AEBP2: variants seen among roughly 807,000 people sequenced by gnomAD.
AEBP2 encodes the protein zinc finger protein AEBP2.
In AEBP2, 10 loss-of-function variants were observed where a neutral mutation model predicts 50.8. That is an observed-to-expected ratio of 0.20 (90% CI 0.12 to 0.33). The LOEUF is 0.33. AEBP2 is among the 10% of genes least tolerant of loss of function. The pLI is 1.00. For synonymous variants in AEBP2, 296 were observed against 261.3 expected, an observed-to-expected ratio of 1.13 and a Z score of -1.28; for missense variants, 570 against 688.0, an observed-to-expected ratio of 0.83 and a Z score of 1.92.
At position 19,497,958 on chromosome 12, in the gene AEBP2, C is replaced by T. The variant is rs147472895; in HGVS notation, c.1175-2139C>T. ...ACAAGGGTATTCTATTCTTTACGTACTCTAATGGATCATGACACACACCTA... is the reference window on the plus strand; with the variant it reads ...ACAAGGGTATTCTATTCTTTACGTATTCTAATGGATCATGACACACACCTA... On this transcript the variant is annotated intron_variant, in intron 4 of 7. Transcript: ENST00000266508. Among the ~76,000 whole-genome samples the T allele has an allele frequency of 3.3e-5, 5 of 152,300 alleles. No homozygotes were observed. In the East Asian group the frequency reaches 9.7e-4, roughly 29 times the overall value.
At chr12:19,490,383 G>T (rs914961037) in intron 3 of AEBP2, among the ~76,000 whole-genome samples, 8 of 152,130 alleles carry the variant, frequency 5.3e-5, no homozygotes, top group Non-Finnish European at 1.0e-4. Flanking sequence ...GCAATTTTGA[G>T]TATCAGGTTT....
At chr12:19,413,213 A>T in intron 1 of AEBP2, 1 of 792,794 alleles carries the variant, frequency 1.3e-6, no homozygotes, top group Non-Finnish European at 2.3e-6. Flanking sequence ...GAGAAACAGT[A>T]TCTTAACCCA....
intron 5 of AEBP2, chr12:19,508,973 C>A: frequency 2.0e-6 from 1 of 508,692 alleles, no homozygotes; most frequent in Non-Finnish European, 3.8e-6. Context: ...AAGTCTGTCC[C>A]AGACCCTTGG....
chr12:19,473,459 G>C, intron 3 of AEBP2, 104 bp downstream of exon 3: 1 of 398,098 alleles, frequency 2.5e-6, no homozygotes, highest in Non-Finnish European at 3.7e-6. Context: ...AGGCTGGAGT[G>C]CAATGGTGCC....
intron 4 of AEBP2, among the ~76,000 whole-genome samples, chr12:19,499,355 G>C (rs1949032875): frequency 6.6e-6 from 1 of 152,198 alleles, no homozygotes; most frequent in African/African-American, 2.4e-5. Flanking sequence ...GCTCATGCCT[G>C]TATACCCAGC....
intron 1 of AEBP2, among the ~76,000 whole-genome samples, chr12:19,430,051 C>T (rs1007059672): frequency 2.0e-5 from 3 of 152,092 alleles, no homozygotes; most frequent in African/African-American, 7.2e-5. Context: ...AGTCCTTGCC[C>T]ATGCCTATGT....
intron 1 of AEBP2, among the ~76,000 whole-genome samples, chr12:19,416,023 A>G (rs1476245291): frequency 6.6e-6 from 1 of 152,094 alleles, no homozygotes; most frequent in Admixed American, 6.6e-5. Context: ...TCTCTACAAA[A>G]ATAGAAAAGT....
At chr12:19,457,339 A>T in intron 1 of AEBP2, 1 of 1,478,492 alleles carries the variant, frequency 6.8e-7, no homozygotes, top group African/African-American at 1.4e-5. Context: ...CATGTTTTTG[A>T]TGAAGTCTCT....
At chr12:19,498,719 G>A (rs952246446) in intron 4 of AEBP2, among the ~76,000 whole-genome samples, 1 of 152,042 alleles carries the variant, frequency 6.6e-6, no homozygotes. Flanking sequence ...TTAGGAATAA[G>A]AATAGAATAA....
chr12:19,432,712 A>C (rs939693790), intron 1 of AEBP2, among the ~76,000 whole-genome samples: 1 of 151,954 alleles, frequency 6.6e-6, no homozygotes, highest in Admixed American at 6.6e-5. Flanking sequence ...CCAGAAGACA[A>C]AGTAAACACA....
chr12:19,420,217 C>T (rs998884988), intron 1 of AEBP2, among the ~76,000 whole-genome samples: 17 of 150,246 alleles, frequency 1.1e-4, no homozygotes, highest in Admixed American at 5.3e-4. Context: ...TTAGTAGAGA[C>T]GGGGTTTCAC....
Position 19,521,250 on chromosome 12 carries a change from A to G in AEBP2, c.*3133A>G, listed in dbSNP as rs1049366928. 6 of 152,192 alleles carry G rather than the reference A, an allele frequency of 3.9e-5. No individual in the cohort carries two copies. Among genetic ancestry groups the G allele is most frequent in the East Asian group, 3.8e-4 (2 of 5,202 alleles). The allele number at this position is 152,192 out of a possible 1,614,324, so 9.4% of individuals were successfully genotyped here. A position where few individuals can be genotyped will look rare whatever the true frequency, so the allele number is the denominator to read the frequency against. Reference sequence around the variant, plus strand: ...TAATATGACAATGTTGATCTTGGTAATAAGCCAGTACATTAAATTTTAGTG... The same window carrying G: ...TAATATGACAATGTTGATCTTGGTAGTAAGCCAGTACATTAAATTTTAGTG... On this transcript the variant is annotated 3_prime_UTR_variant, in exon 8 of 8. Transcript: ENST00000266508.
At chr12:19,457,686 C>G (rs1948294863) in intron 1 of AEBP2, 2 of 1,245,920 alleles carry the variant, frequency 1.6e-6, no homozygotes, top group Non-Finnish European at 1.0e-6. Flanking sequence ...CACCTGTGTT[C>G]TGGCGGCAAA....
intron 3 of AEBP2, among the ~76,000 whole-genome samples, chr12:19,477,787 T>C (rs1184910042): frequency 6.6e-6 from 1 of 152,220 alleles, no homozygotes; most frequent in Non-Finnish European, 1.5e-5. Context: ...AGGGTGATAC[T>C]GGCTTCATAG....
chr12:19,475,788 G>T (rs1948640997), intron 3 of AEBP2, among the ~76,000 whole-genome samples: 1 of 152,022 alleles, frequency 6.6e-6, no homozygotes. Context: ...GGCCATTATT[G>T]TAGGAATAAG....
intron 3 of AEBP2, among the ~76,000 whole-genome samples, chr12:19,480,978 A>G (rs117726501): frequency 0.022 from 3,272 of 150,220 alleles, 42 homozygotes; most frequent in East Asian, 0.044. Context: ...AGACTTTGTT[A>G]ATTTTTTTTT....
At chr12:19,480,789 T>C (rs913663253) in intron 3 of AEBP2, among the ~76,000 whole-genome samples, 1 of 152,214 alleles carries the variant, frequency 6.6e-6, no homozygotes, top group African/African-American at 2.4e-5. Flanking sequence ...TTGGGAGGAA[T>C]TTCTCAGTTG....
At chr12:19,412,923 C>A (rs1220247736) in intron 1 of AEBP2, among the ~76,000 whole-genome samples, 2 of 152,178 alleles carry the variant, frequency 1.3e-5, no homozygotes, top group African/African-American at 4.8e-5. Context: ...TGGCCGGCTC[C>A]GAGGTGGCCA....
intron 6 of AEBP2, among the ~76,000 whole-genome samples, 176 bp downstream of exon 6, chr12:19,512,641 T>G (rs900307332): frequency 6.6e-6 from 1 of 151,942 alleles, no homozygotes; most frequent in African/African-American, 2.4e-5. Context: ...AGGTTCACGT[T>G]TTACGCTTCA....
Sources: allele counts gnomAD v4.1 joint callset (sites outside exome capture counted in the v4.1 genomes callset), GRCh38; gene constraint gnomAD v4.1.1; transcripts MANE v1.5; gene names NCBI Gene and HGNC (gene_info 2026-07-23, HGNC 2026-07-21).